Variants in PPRC1 observed in about 807,000 individuals in gnomAD.
PPRC1 encodes peroxisome proliferator-activated receptor gamma coactivator-related protein 1.
Under a neutral mutation model 132.5 loss-of-function variants are expected in PPRC1, and 23 were observed. The ratio of observed to expected loss-of-function variants is 0.17; its 90% confidence interval spans 0.12 to 0.25. The LOEUF (loss-of-function observed/expected upper bound fraction) is 0.25, where lower values mean the gene tolerates loss of function less well. Ranked by LOEUF, PPRC1 falls within the 10% of genes least tolerant of loss-of-function variation. The pLI, the probability that PPRC1 is intolerant of heterozygous loss-of-function variation, is 1.00. For synonymous variants in PPRC1, 872 were observed against 833.5 expected, an observed-to-expected ratio of 1.05 and a Z score of -0.80; for missense variants, 2,006 against 2,089.1, an observed-to-expected ratio of 0.96 and a Z score of 0.78.
chr10:102,147,321 A>C lies in PPRC1; in HGVS notation c.4329A>C (p.Ser1443=), dbSNP rs1284680751. The change falls in exon 9 of 14, where the codon TCA becomes TCC. Residue 1443 remains serine (S), a synonymous_variant. Transcript: ENST00000278070. ...ACCGGACTAGCGAAGCATCTTCCTC[A>C]TCCTCATCATCGTCTTCCTCATCCC... is the stretch of plus-strand genomic sequence containing the variant. ...GSNRTSEASS[S]SSSSSSSSRS... 6 of 1,611,392 alleles carry C rather than the reference A, an allele frequency of 3.7e-6. No individual in the cohort carries two copies. The East Asian group carries it at 8.9e-5, about 24-fold the overall frequency.
In PPRC1 at chr10:102,139,623, C is replaced by T; in HGVS notation, c.1115C>T (p.Pro372Leu). Residue 372 changes from proline to leucine, a missense_variant, in exon 5 of 14, where the codon CCC becomes CTC. By Grantham distance (98) the Pro-to-Leu change is moderately conservative. Around this residue, in one of 2 missense-constraint regions of PPRC1, gnomAD observed 1,914 missense variants for 1,917.2 expected, o/e 1.00. Coordinates refer to ENST00000278070, the MANE Select transcript of PPRC1 (RefSeq NM_015062.5). ...GTGGTGCGACAGGTCTCTCCTGGAC[C>T]CCGGCCTGTGCTCCTGGATGACTCG... ...PVVVRQVSPG[P>L]RPVLLDDSLE... 6.2e-7 allele frequency: 1 copy of T among 1,613,946 alleles called. No homozygotes were observed. Among genetic ancestry groups the T allele is most frequent in the Non-Finnish European group, 8.5e-7 (1 of 1,180,036 alleles).
At chr10:102,137,676 T>C (rs1279289732) in intron 1 of PPRC1, among the ~76,000 whole-genome samples, 174 bp from the exon 2 acceptor site, 1 of 152,148 alleles carries the variant, frequency 6.6e-6, no homozygotes. Context: ...GCCATCCTTA[T>C]TGGGGTTTTT....
chr10:102,133,376 T>C (rs1190271265), intron 1 of PPRC1, among the ~76,000 whole-genome samples, 155 bp downstream of exon 1: 3 of 150,972 alleles, frequency 2.0e-5, no homozygotes, highest in Non-Finnish European at 4.4e-5. Flanking sequence ...GGCCGTTTGC[T>C]GGGGGTAGGC....
the PPRC1 span, among the ~76,000 whole-genome samples, chr10:102,121,570 A>G: frequency 1.3e-5 from 2 of 152,168 alleles, no homozygotes; most frequent in Admixed American, 6.5e-5. Context: ...CCAAAAGCTC[A>G]GCTTTAGCTG....
At chr10:102,127,701 C>T in the PPRC1 span, among the ~76,000 whole-genome samples, 3 of 151,992 alleles carry the variant, frequency 2.0e-5, no homozygotes, top group Non-Finnish European at 2.9e-5. Context: ...TCACCACGCC[C>T]GGCCTGCCCA....
At chr10:102,125,086 A>G in the PPRC1 span, among the ~76,000 whole-genome samples, 2 of 151,424 alleles carry the variant, frequency 1.3e-5, no homozygotes, top group South Asian at 4.2e-4. Flanking sequence ...AGCCTCTAGT[A>G]TTATTTATTT....
upstream of PPRC1, chr10:102,132,848 T>C (rs117958855): frequency 1.9e-3 from 1,006 of 529,528 alleles, 17 homozygotes; most frequent in East Asian, 0.032. Flanking sequence ...ACAGGATGCC[T>C]GCAGCTAGTG....
intron 1 of PPRC1, among the ~76,000 whole-genome samples, chr10:102,134,294 C>T (rs2068640270): frequency 1.3e-5 from 2 of 152,052 alleles, no homozygotes. Flanking sequence ...GGATTTTTTG[C>T]TGGGGATGGG....
At chr10:102,143,862 G>T (rs1398877734) in intron 6 of PPRC1, among the ~76,000 whole-genome samples, 2 of 152,184 alleles carry the variant, frequency 1.3e-5, no homozygotes, top group African/African-American at 2.4e-5. Flanking sequence ...AGGAGCTTAT[G>T]GTCTAACTGG....
At chr10:102,127,019 TCATATATATA>T in the PPRC1 span, among the ~76,000 whole-genome samples, 350 of 78,870 alleles carry the variant, frequency 4.4e-3, 14 homozygotes, top group African/African-American at 0.013. Context: ...TGGTTTTTTA[TCATATATATA>T]TATATATATA....
rs2069380870 is a variant in PPRC1, at chr10:102,148,765, A to G, written c.4618-52A>G. The G allele has an allele frequency of 1.2e-6, 2 of 1,614,176 alleles. No individual in the cohort carries two copies. The highest frequency in any genetic ancestry group is 1.7e-6 in the Non-Finnish European group (2 of 1,180,010). On this transcript the variant is annotated intron_variant, in intron 11 of 13. Coordinates refer to ENST00000278070, the MANE Select transcript of PPRC1 (RefSeq NM_015062.5). This position sits in a 1 kb window ranked among gnomAD's most constrained non-coding sequence, Gnocchi z 4.2. ...GCCTTGAGCTCAGAGAGCTGCCTGC[A>G]GCTGTAGCCCTGGCTAATGGTGTGT...
chr10:102,144,939 C>T, intron 7 of PPRC1, 81 bp from the exon 8 acceptor site: 1 of 1,086,574 alleles, frequency 9.2e-7, no homozygotes, highest in Non-Finnish European at 1.4e-6. Flanking sequence ...CCCACCCCCT[C>T]CCATTGATTT....
chr10:102,141,873 C>G lies in PPRC1; in HGVS notation c.3365C>G (p.Pro1122Arg), dbSNP rs750870427. Reference sequence around the variant, plus strand: ...CCCTTGCCTGCTACCAAGGCTGTTCCCACACCAAGGCAGAGCACTGTCCCC... The same window carrying G: ...CCCTTGCCTGCTACCAAGGCTGTTCGCACACCAAGGCAGAGCACTGTCCCC... ...KPPLPATKAV[P>R]TPRQSTVPKL... Residue 1122 changes from proline to arginine, a missense_variant, in exon 5 of 14, where the codon CCC (proline) becomes CGC (arginine). Around this residue, in one of 2 missense-constraint regions of PPRC1, gnomAD observed 1,914 missense variants for 1,917.2 expected, o/e 1.00. Transcript: ENST00000278070. 30 of 1,614,142 alleles carry G rather than the reference C, an allele frequency of 1.9e-5. No homozygotes were observed. Among genetic ancestry groups the G allele is most frequent in the Non-Finnish European group, 2.5e-5 (29 of 1,180,024 alleles).
rs1590341798 is a variant in PPRC1, at chr10:102,142,091, T to A, written c.3496+87T>A. 5 of 1,436,894 alleles carry A rather than the reference T, an allele frequency of 3.5e-6. No homozygotes were observed. The East Asian group carries it at 1.2e-4, about 33-fold the overall frequency. 89.0% of individuals were successfully genotyped at this position (1,436,894 alleles called of 1,614,324 possible). On this transcript the variant is annotated intron_variant, in intron 5 of 13. Transcript: ENST00000278070. ...TAAGCCACCCTGATGAGGCTGGCCTTTGTTGGATTTCTTTGGAGGAGTTTT... is the reference window on the plus strand; with the variant it reads ...TAAGCCACCCTGATGAGGCTGGCCTATGTTGGATTTCTTTGGAGGAGTTTT...
At chr10:102,119,972 C>T in the PPRC1 span, 1 of 777,470 alleles carries the variant, frequency 1.3e-6, no homozygotes, top group Non-Finnish European at 1.9e-6. Context: ...TTCCAGCCCC[C>T]GGCTTCCCCC....
rs781765267 is a variant in PPRC1 at position 102,148,567 on chromosome 10, C to T, written c.4550+46C>T. ...CGCCATGCACCTGGGATGCAGGTGC[C>T]TAAGAGTTGAGTCTTGAATTGTCTT... On this transcript the variant is annotated intron_variant, in intron 10 of 13. Coordinates refer to ENST00000278070, the MANE Select transcript of PPRC1 (RefSeq NM_015062.5). The surrounding 1 kb of genome is among the most constrained non-coding windows in gnomAD (Gnocchi z 4.2). The T allele has an allele frequency of 6.8e-6, 11 of 1,612,180 alleles. No individual in the cohort carries two copies. Among genetic ancestry groups the T allele is most frequent in the Middle Eastern group, 1.7e-4 (1 of 6,060 alleles).
chr10:102,144,141 T>C, intron 6 of PPRC1, 109 bp from the exon 7 acceptor site: 1 of 1,011,636 alleles, frequency 9.9e-7, no homozygotes, highest in Admixed American at 1.7e-5. Context: ...CAACAGGGAA[T>C]ATGTAGGCAA....
chr10:102,145,431 C>T (rs941474639), intron 8 of PPRC1, among the ~76,000 whole-genome samples: 6 of 151,416 alleles, frequency 4.0e-5, no homozygotes, highest in East Asian at 3.9e-4. Flanking sequence ...ATTAGTTGGG[C>T]GTGGTGGTAC....
the PPRC1 span, among the ~76,000 whole-genome samples, chr10:102,123,246 T>G: frequency 6.6e-6 from 1 of 152,222 alleles, no homozygotes; most frequent in Non-Finnish European, 1.5e-5. Context: ...ACTCCTTGCC[T>G]TACTTCTAGT....
Sources: allele counts gnomAD v4.1 joint callset (sites outside exome capture counted in the v4.1 genomes callset), GRCh38; gene constraint gnomAD v4.1.1; regional missense constraint gnomAD v4.1.1; non-coding constraint Gnocchi (gnomAD v3.1); transcripts MANE v1.5; gene names NCBI Gene and HGNC (gene_info 2026-07-23, HGNC 2026-07-21).